The following PTPN5 variants were observed in gnomAD, a reference collection of about 807,000 sequenced individuals.
The protein encoded by PTPN5 is tyrosine-protein phosphatase non-receptor type 5.
A neutral mutation model predicts 73.9 loss-of-function variants in PTPN5; 29 were observed. The observed-to-expected ratio is 0.39, with a 90% CI of 0.29 to 0.54. PTPN5 has a LOEUF of 0.54. Ranked by LOEUF, PTPN5 falls within the 20% of genes least tolerant of loss-of-function variation. The probability of loss-of-function intolerance (pLI) is 0.65; values close to 1 mark genes in which losing one functional copy is unlikely to be tolerated. For synonymous variants in PTPN5, 267 were observed against 304.7 expected (o/e 0.88, Z 1.29); for missense variants, 652 against 751.4 (o/e 0.87, Z 1.55).
chr11:18,754,291 G>A (rs139760693), intron 3 of PTPN5, among the ~76,000 whole-genome samples: 138 of 152,310 alleles, frequency 9.1e-4, no homozygotes, highest in African/African-American at 3.1e-3. Context: ...TGGGAGAGCT[G>A]GAGAGAGAGA....
Position 18,733,772 on chromosome 11 carries a change from A to C in PTPN5, c.1001-137T>G. On this transcript the variant is annotated intron_variant, in intron 9 of 14. Transcript: ENST00000358540. This position sits in a 1 kb window ranked among gnomAD's most constrained non-coding sequence, Gnocchi z 4.3. Reference sequence around the variant, plus strand: ...TCCTTCCCTTGCCCAGCAGCAAAACATTGACCCATTCATGGTTCATTTTGT... The same window carrying C: ...TCCTTCCCTTGCCCAGCAGCAAAACCTTGACCCATTCATGGTTCATTTTGT... 1 of 759,226 alleles carries C rather than the reference A, an allele frequency of 1.3e-6. No individual in the cohort carries two copies. Among genetic ancestry groups the C allele is most frequent in the Non-Finnish European group, 2.3e-6 (1 of 442,980 alleles). The allele number at this position is 759,226 out of a possible 1,614,324, so 47.0% of individuals were successfully genotyped here.
intron 3 of PTPN5, among the ~76,000 whole-genome samples, chr11:18,759,717 C>T (rs1463920173): frequency 1.3e-5 from 2 of 148,790 alleles, no homozygotes; most frequent in African/African-American, 5.0e-5. Context: ...GAAAACAGAA[C>T]CATCAATTCA....
At chr11:18,771,867 A>G (rs1850917029) in intron 2 of PTPN5, 72 bp downstream of exon 2, 1 of 1,329,208 alleles carries the variant, frequency 7.5e-7, no homozygotes, top group Non-Finnish European at 1.1e-6. Context: ...CGTGTCCCAG[A>G]GCATCCAGAT....
At position 18,729,836 on chromosome 11, in the gene PTPN5, GC is replaced by G. The variant is rs1848795128; in HGVS notation, c.1330-19del. 3 of 1,613,994 alleles carry G rather than the reference GC, an allele frequency of 1.9e-6. No individual in the cohort carries two copies. Among genetic ancestry groups the G allele is most frequent in the Non-Finnish European group, 2.5e-6 (3 of 1,179,902 alleles). On this transcript the variant is annotated intron_variant, in intron 12 of 14. Coordinates refer to ENST00000358540, the MANE Select transcript of PTPN5 (RefSeq NM_006906.2). The surrounding 1 kb of genome is among the most constrained non-coding windows in gnomAD (Gnocchi z 5.2). ...GTCCCACTCTGTCGAGGAGACAGAG[GC>G]CCACCCCAGGTATGTGTGAACTCTT...
chr11:18,754,562 A>G (rs1355426971), intron 3 of PTPN5, among the ~76,000 whole-genome samples: 1 of 152,164 alleles, frequency 6.6e-6, no homozygotes, highest in Admixed American at 6.5e-5. Flanking sequence ...AGTTGAACCA[A>G]TCAACCCAAA....
In PTPN5 at chr11:18,742,609, G is replaced by C. The variant is rs537993630; in HGVS notation, c.484-106C>G. ...CCCCCCCACTCCCTCAGTGTGTCTA[G>C]AGCAGCTCTGCTCTCCTGGGAGTTG... On this transcript the variant is annotated intron_variant, in intron 6 of 14. Coordinates refer to ENST00000358540, the MANE Select transcript of PTPN5 (RefSeq NM_006906.2). This position sits in a 1 kb window ranked among gnomAD's most constrained non-coding sequence, Gnocchi z 4.1. The C allele has an allele frequency of 6.7e-7, 1 of 1,488,770 alleles. No individual in the cohort carries two copies. The highest frequency in any genetic ancestry group is 1.4e-5 in the African/African-American group (1 of 72,480). 92.2% of individuals were successfully genotyped at this position (1,488,770 alleles called of 1,614,324 possible).
chr11:18,758,984 G>A (rs1166658283), intron 3 of PTPN5, among the ~76,000 whole-genome samples: 1 of 151,958 alleles, frequency 6.6e-6, no homozygotes, highest in African/African-American at 2.4e-5. Context: ...CACCAACCCT[G>A]GCCCCTTAAA....
chr11:18,768,397 C>T (rs955349476), intron 2 of PTPN5, among the ~76,000 whole-genome samples: 3 of 152,188 alleles, frequency 2.0e-5, no homozygotes, highest in Non-Finnish European at 4.4e-5. Flanking sequence ...AGAGCACCCA[C>T]CCCCAACCTT....
rs182517448 is a variant in PTPN5 at position 18,773,158 on chromosome 11, T to G, written c.-113-1087A>C. Among the ~76,000 whole-genome samples the G allele has an allele frequency of 5.5e-3, 827 of 150,708 alleles. 9 individuals carry two copies. The highest frequency in any genetic ancestry group is 0.02 in the African/African-American group (810 of 40,144). On this transcript the variant is annotated intron_variant, in intron 1 of 14. Coordinates refer to ENST00000358540, the MANE Select transcript of PTPN5 (RefSeq NM_006906.2). Reference sequence around the variant, plus strand: ...CCGCTCACTTGGAATTTTTTCCTTTTCCCTCCCCTTCTTTCCAGAGAGGTA... The same window carrying G: ...CCGCTCACTTGGAATTTTTTCCTTTGCCCTCCCCTTCTTTCCAGAGAGGTA...
chr11:18,742,428 G>A lies in PTPN5; in HGVS notation c.559C>T (p.Arg187Cys), dbSNP rs1461663305. The A allele has an allele frequency of 3.1e-6, 5 of 1,614,158 alleles. No individual in the cohort carries two copies. The highest frequency in any genetic ancestry group is 2.2e-5 in the East Asian group (1 of 44,894). ...TCTGAGTAGGTGAAGGAGGGCTGGC[G>A]GCTCACTGACTGGCGCCTGTCCTCA... ...PPEDRRQSVS[R>C]QPSFTYSEWM... The change falls in exon 7 of 15, where the codon CGC becomes TGC. Residue 187 changes from arginine (R) to cysteine (C), a missense_variant. This residue lies in a region of PTPN5 where 529 missense variants were observed against 573.9 expected (regional missense o/e 0.92). Transcript: ENST00000358540. This position sits in a 1 kb window ranked among gnomAD's most constrained non-coding sequence, Gnocchi z 4.1.
At chr11:18,740,838 C>G in intron 7 of PTPN5, 46 bp from the exon 8 acceptor site, 1 of 1,324,698 alleles carries the variant, frequency 7.5e-7, no homozygotes, top group Non-Finnish European at 1.0e-6. Flanking sequence ...GGCAGAGGGA[C>G]GGGCATGAGC....
rs149206809 is a variant in PTPN5 at position 18,740,467 on chromosome 11, G to A, written c.915+136C>T. The A allele has an allele frequency of 7.7e-5, 57 of 735,568 alleles. 1 individual carries two copies. In the African/African-American group the frequency reaches 9.5e-4, roughly 12 times the overall value. The allele number at this position is 735,568 out of a possible 1,614,324, so 45.6% of individuals were successfully genotyped here. ...AGAGGGAAAGCAGCTTGCCCAAGAT[G>A]GTGGGAGAGCTGATAATAAAGTGAT... On this transcript the variant is annotated intron_variant, in intron 8 of 14. Transcript: ENST00000358540.
intron 3 of PTPN5, among the ~76,000 whole-genome samples, chr11:18,754,526 G>C (rs1394467766): frequency 6.6e-6 from 1 of 152,108 alleles, no homozygotes; most frequent in African/African-American, 2.4e-5. Flanking sequence ...CCTAGGGTTG[G>C]GTCAGCCCCA....
intron 1 of PTPN5, among the ~76,000 whole-genome samples, chr11:18,790,494 C>T (rs1851866999): frequency 6.6e-6 from 1 of 152,182 alleles, no homozygotes. Flanking sequence ...ATCTCAGGTC[C>T]TGGGCTTCTT....
intron 8 of PTPN5, among the ~76,000 whole-genome samples, chr11:18,738,357 C>T (rs767082269): frequency 1.3e-5 from 2 of 152,186 alleles, no homozygotes; most frequent in African/African-American, 4.8e-5. Context: ...TGGTAACACA[C>T]ACCCCATCCT....
intron 8 of PTPN5, among the ~76,000 whole-genome samples, chr11:18,738,331 C>T (rs1355756153): frequency 1.3e-5 from 2 of 152,166 alleles, no homozygotes; most frequent in Non-Finnish European, 2.9e-5. Context: ...GACCTAGGTT[C>T]GTGCTGCTTG....
At chr11:18,756,572 T>C (rs1003285604) in intron 3 of PTPN5, among the ~76,000 whole-genome samples, 2 of 151,946 alleles carry the variant, frequency 1.3e-5, no homozygotes, top group Admixed American at 6.5e-5. Flanking sequence ...GCTGGGATTA[T>C]AGGCTGAGCC....
upstream of PTPN5, chr11:18,792,631 A>T (rs1466210097): frequency 6.6e-6 from 1 of 152,558 alleles, no homozygotes; most frequent in Non-Finnish European, 1.5e-5. Flanking sequence ...TTCCATCCCC[A>T]TGGGGGCTTG....
rs1245139225 is a variant in PTPN5 at position 18,740,575 on chromosome 11, G to A, written c.915+28C>T. 2.6e-6 allele frequency: 4 copies of A among 1,513,386 alleles called. No homozygotes were observed. The African/African-American group carries it at 4.2e-5, about 16-fold the overall frequency. 93.7% of individuals were successfully genotyped at this position (1,513,386 alleles called of 1,614,324 possible). A position where few individuals can be genotyped will look rare whatever the true frequency, so the allele number is the denominator to read the frequency against. On this transcript the variant is annotated intron_variant, in intron 8 of 14. Coordinates refer to ENST00000358540, the MANE Select transcript of PTPN5 (RefSeq NM_006906.2). ...GATGATTGACATGGGTCTGCACACA[G>A]TGGGGCGACCGGCTCAAGGGAACTC...
Sources: allele counts gnomAD v4.1 joint callset (sites outside exome capture counted in the v4.1 genomes callset), GRCh38; gene constraint gnomAD v4.1.1; regional missense constraint gnomAD v4.1.1; non-coding constraint Gnocchi (gnomAD v3.1); transcripts MANE v1.5; gene names NCBI Gene and HGNC (gene_info 2026-07-23, HGNC 2026-07-21).